The following HTR3C variants were observed in gnomAD, a reference collection of about 807,000 sequenced individuals.
HTR3C encodes the protein 5-hydroxytryptamine receptor 3C, also known as 5-HT3-C.
In HTR3C, 32 loss-of-function variants were observed where a neutral mutation model predicts 40.5. The observed-to-expected ratio is 0.79, with a 90% confidence interval of 0.60 to 1.06. The LOEUF is 1.06. Ranked by LOEUF, HTR3C falls within the 50% of genes least tolerant of loss-of-function variation. The pLI, the probability that HTR3C is intolerant of heterozygous loss-of-function variation, is 0.00. For synonymous variants in HTR3C, 209 were observed against 217.1 expected, an observed-to-expected ratio of 0.96 and a Z score of 0.33; for missense variants, 523 against 556.8, an observed-to-expected ratio of 0.94 and a Z score of 0.61.
chr3:184,059,982 C>T lies in HTR3C; in HGVS notation c.1080C>T (p.Cys360=). ...LLLHCTSPGR[C]CPTAPQKGNK... Reference sequence around the variant, plus strand: ...TCCACTGCACCAGCCCAGGGAGATGCTGTCCCACTGCGCCCCAGAAGGGAA... The same window carrying T: ...TCCACTGCACCAGCCCAGGGAGATGTTGTCCCACTGCGCCCCAGAAGGGAA... The change falls in exon 8 of 9, where the codon TGC becomes TGT. Residue 360 remains cysteine (C), a synonymous_variant. Coordinates refer to ENST00000318351, the MANE Select transcript of HTR3C (RefSeq NM_130770.3). 2 of 1,613,844 alleles carry T rather than the reference C, an allele frequency of 1.2e-6. No homozygotes were observed. Among genetic ancestry groups the T allele is most frequent in the Non-Finnish European group, 1.7e-6 (2 of 1,180,018 alleles).
intron 4 of HTR3C, 82 bp downstream of exon 4, chr3:184,056,368 C>T (rs1051184639): frequency 3.3e-6 from 3 of 897,374 alleles, no homozygotes; most frequent in Non-Finnish European, 1.8e-6. Context: ...ATGGGGCCAC[C>T]GAAAGATTCA....
chr3:184,058,480 T>C lies in HTR3C; in HGVS notation c.613T>C (p.Ser205Pro). ...DKEVWEITDT[S>P]RKVIQTQGEW... ...GGAGGTGTGGGAGATCACAGACACG[T>C]CTCGCAAAGTCATCCAAACCCAGGG... is the stretch of plus-strand genomic sequence containing the variant. The change falls in exon 6 of 9, where the codon TCT becomes CCT. Residue 205 changes from serine (S) to proline (P), a missense_variant. Transcript: ENST00000318351. The C allele has an allele frequency of 6.2e-7, 1 of 1,613,212 alleles. No individual in the cohort carries two copies. The highest frequency in any genetic ancestry group is 2.2e-5 in the East Asian group (1 of 44,756).
In HTR3C at chr3:184,056,970, G is replaced by A. The variant is rs766200514; in HGVS notation, c.485G>A (p.Cys162Tyr). 6.2e-7 allele frequency: 1 copy of A among 1,613,696 alleles called. No individual in the cohort carries two copies. Among genetic ancestry groups the A allele is most frequent in the South Asian group, 1.1e-5 (1 of 91,050 alleles). Residue 162 changes from cysteine to tyrosine, a missense_variant, in exon 5 of 9, where the codon TGT becomes TAT. Coordinates refer to ENST00000318351, the MANE Select transcript of HTR3C (RefSeq NM_130770.3). The stretch of plus-strand genomic sequence containing the variant: ...AAGCCAATGAGGGTGACCAGCATCT[G>A]TAACCTGGACATCTTCTACTTCCCT... ...YDKPMRVTSI[C>Y]NLDIFYFPFD...
At chr3:184,056,054 T>C (rs1723318427) in intron 3 of HTR3C, 123 bp from the exon 4 acceptor site, 4 of 651,848 alleles carry the variant, frequency 6.1e-6, no homozygotes, top group Middle Eastern at 2.7e-4. Context: ...GGATAGGCTG[T>C]GGTTATTAGG....
chr3:184,060,259 G>C lies in HTR3C; in HGVS notation c.1251G>C (p.Gln417His). The C allele has an allele frequency of 2.5e-6, 4 of 1,614,154 alleles. No individual in the cohort carries two copies. The highest frequency in any genetic ancestry group is 3.4e-6 in the Non-Finnish European group (4 of 1,180,030). The change falls in exon 9 of 9, where the codon CAG (glutamine) becomes CAC (histidine). Residue 417 changes from glutamine (Q) to histidine (H), a missense_variant. Coordinates refer to ENST00000318351, the MANE Select transcript of HTR3C (RefSeq NM_130770.3). ...CCCAGCTAATGGAGCTGTGGGTGCAGTTCAGCCACGCGATGGACACCCTGC... is the reference window on the plus strand; with the variant it reads ...CCCAGCTAATGGAGCTGTGGGTGCACTTCAGCCACGCGATGGACACCCTGC... ...TKTQLMELWV[Q>H]FSHAMDTLLF...
chr3:184,056,882 G>A lies in HTR3C; in HGVS notation c.397G>A (p.Val133Met), dbSNP rs763731835. 1 of 1,605,642 alleles carries A rather than the reference G, an allele frequency of 6.2e-7. No homozygotes were observed. The highest frequency in any genetic ancestry group is 1.1e-5 in the South Asian group (1 of 89,962). Reference sequence around the variant, plus strand: ...CCTCCCTTCCCCAAACAGCATGGATGTGGATCAGACGCCTTCCGGTCTCAC... The same window carrying A: ...CCTCCCTTCCCCAAACAGCATGGATATGGATCAGACGCCTTCCGGTCTCAC... ...PDIFIVESMD[V>M]DQTPSGLTAY... is the part of the protein sequence containing the mutation. Residue 133 changes from valine (V) to methionine (M), a missense_variant, in exon 5 of 9, where the codon GTG (valine) becomes ATG (methionine). Transcript: ENST00000318351.
intron 4 of HTR3C, among the ~76,000 whole-genome samples, 163 bp from the exon 5 acceptor site, chr3:184,056,712 A>C (rs1054506388): frequency 1.3e-5 from 2 of 152,104 alleles, no homozygotes; most frequent in Non-Finnish European, 2.9e-5. Flanking sequence ...TGCACCACTG[A>C]ACTCCAGCCT....
chr3:184,056,771 G>A, intron 4 of HTR3C, 104 bp from the exon 5 acceptor site: 2 of 1,023,004 alleles, frequency 2.0e-6, no homozygotes, highest in East Asian at 5.2e-5. Context: ...AATAAAAATA[G>A]AAAGAGAAAG....
In HTR3C at chr3:184,060,181, G is replaced by T. The variant is rs752092065; in HGVS notation, c.1173G>T (p.Lys391Asn). ...AGGAGCCGGGGGAGTTAGCAGGGAA[G>T]AAGCTGGGACCCAGAGAGACCGAGC... ...GPKEPGELAG[K>N]KLGPRETEPD... Residue 391 changes from lysine (K) to asparagine (N), a missense_variant, in exon 9 of 9, where the codon AAG becomes AAT. Transcript: ENST00000318351. 1.6e-5 allele frequency: 26 copies of T among 1,614,078 alleles called. No homozygotes were observed. The highest frequency in any genetic ancestry group is 2.0e-5 in the Non-Finnish European group (24 of 1,180,046).
Position 184,053,104 on chromosome 3 carries a change from G to T in HTR3C, c.24G>T (p.Arg8Ser), listed in dbSNP as rs766133545. 1 of 1,613,914 alleles carries T rather than the reference G, an allele frequency of 6.2e-7. No individual in the cohort carries two copies. Among genetic ancestry groups the T allele is most frequent in the Non-Finnish European group, 8.5e-7 (1 of 1,179,848 alleles). Reference protein sequence around the residue: MEGGWPARQSALLCLTVS... With the variant: MEGGWPASQSALLCLTVS... ...GAATGGAAGGAGGGTGGCCTGCAAG[G>T]CAGAGTGCCCTCCTCTGCCTCACTG... Residue 8 changes from arginine to serine, a missense_variant, in exon 1 of 9, where the codon AGG (arginine) becomes AGT (serine). Transcript: ENST00000318351.
At chr3:184,058,319 A>G (rs1723371517) in intron 5 of HTR3C, 108 bp from the exon 6 acceptor site, 1 of 1,166,548 alleles carries the variant, frequency 8.6e-7, no homozygotes. Flanking sequence ...CTTGCTTTAA[A>G]AGGATAGAGG....
chr3:184,056,300 C>G lies in HTR3C; in HGVS notation c.389+14C>G. On this transcript the variant is annotated intron_variant, in intron 4 of 8. Transcript: ENST00000318351. ...CATCGTGGAATCGTGCGTATGCAGGCTGGGGAAGCCAGCGTGAAACCTCAT... is the reference window on the plus strand; with the variant it reads ...CATCGTGGAATCGTGCGTATGCAGGGTGGGGAAGCCAGCGTGAAACCTCAT... 3 of 1,569,692 alleles carry G rather than the reference C, an allele frequency of 1.9e-6. No individual in the cohort carries two copies. Among genetic ancestry groups the G allele is most frequent in the Non-Finnish European group, 2.6e-6 (3 of 1,139,768 alleles).
Position 184,059,630 on chromosome 3 carries a change from C to T in HTR3C, c.915C>T (p.Thr305=), listed in dbSNP as rs935297084. The T allele has an allele frequency of 6.2e-7, 1 of 1,613,962 alleles. No homozygotes were observed. Among genetic ancestry groups the T allele is most frequent in the Admixed American group, 1.7e-5 (1 of 59,994 alleles). Residue 305 remains threonine (T), a synonymous_variant, in exon 7 of 9, where the codon ACC becomes ACT. Coordinates refer to ENST00000318351, the MANE Select transcript of HTR3C (RefSeq NM_130770.3). ...MMNDLLPASG[T]PLISVYFALC... is the part of the protein sequence containing the mutation. ...ATGACTTGCTCCCTGCCAGTGGCAC[C>T]CCCCTCATCAGTATGGCTCCTCCCA...
At position 184,060,228 on chromosome 3, in the gene HTR3C, CA is replaced by C. The variant is rs1560082591; in HGVS notation, c.1223del (p.Lys408ArgfsTer4). On this transcript the variant is annotated frameshift_variant, in exon 9 of 9. Transcript: ENST00000318351. LOFTEE classifies it low-confidence loss of function (END_TRUNC). ...ETEPDGGSGW[T>X]KTQLMELWVQ... ...GAGCCAGATGGGGGCTCAGGATGGACAAAGACCCAGCTAATGGAGCTGTGGG... is the reference window on the plus strand; with the variant it reads ...GAGCCAGATGGGGGCTCAGGATGGACAAGACCCAGCTAATGGAGCTGTGGG... 6.2e-7 allele frequency: 1 copy of C among 1,614,156 alleles called. No individual in the cohort carries two copies.
In HTR3C at chr3:184,056,976, T is replaced by C; in HGVS notation, c.491T>C (p.Leu164Pro). Reference protein sequence around the residue: ...KPMRVTSICNLDIFYFPFDQQ... With the variant: ...KPMRVTSICNPDIFYFPFDQQ... ...ATGAGGGTGACCAGCATCTGTAACCTGGACATCTTCTACTTCCCTTTTGAC... is the reference window on the plus strand; with the variant it reads ...ATGAGGGTGACCAGCATCTGTAACCCGGACATCTTCTACTTCCCTTTTGAC... The change falls in exon 5 of 9, where the codon CTG becomes CCG. Residue 164 changes from leucine (L) to proline (P), a missense_variant. Transcript: ENST00000318351. 1.2e-6 allele frequency: 2 copies of C among 1,613,662 alleles called. No homozygotes were observed. Among genetic ancestry groups the C allele is most frequent in the Non-Finnish European group, 8.5e-7 (1 of 1,179,588 alleles).
chr3:184,056,835 C>G (rs1295016815), intron 4 of HTR3C, 40 bp from the exon 5 acceptor site: 1 of 1,535,002 alleles, frequency 6.5e-7, no homozygotes, highest in South Asian at 1.3e-5. Context: ...GAGACAAGAG[C>G]TGATTAAGCC....
intron 6 of HTR3C, 148 bp downstream of exon 6, chr3:184,058,735 G>A (rs1723382622): frequency 1.2e-6 from 1 of 815,982 alleles, no homozygotes. Context: ...GAGGCCGAGG[G>A]AGGCGGATCA....
Position 184,056,887 on chromosome 3 carries a change from T to A in HTR3C, c.402T>A (p.Asp134Glu). Residue 134 changes from aspartate to glutamate, a missense_variant, in exon 5 of 9, where the codon GAT becomes GAA. By Grantham distance (45) the Asp-to-Glu change is conservative. Coordinates refer to ENST00000318351, the MANE Select transcript of HTR3C (RefSeq NM_130770.3). The stretch of plus-strand genomic sequence containing the variant: ...CTTCCCCAAACAGCATGGATGTGGA[T>A]CAGACGCCTTCCGGTCTCACTGCCT... ...DIFIVESMDV[D>E]QTPSGLTAYI... The A allele has an allele frequency of 6.2e-7, 1 of 1,607,924 alleles. No homozygotes were observed. Among genetic ancestry groups the A allele is most frequent in the Non-Finnish European group, 8.5e-7 (1 of 1,175,900 alleles).
intron 6 of HTR3C, 62 bp downstream of exon 6, chr3:184,058,649 C>G: frequency 6.4e-7 from 1 of 1,553,628 alleles, no homozygotes; most frequent in Non-Finnish European, 8.7e-7. Flanking sequence ...TCCTCTTGAC[C>G]TATGGCTCTT....
Sources: allele counts gnomAD v4.1 joint callset (sites outside exome capture counted in the v4.1 genomes callset), GRCh38; gene constraint gnomAD v4.1.1; transcripts MANE v1.5; gene names NCBI Gene and HGNC (gene_info 2026-07-23, HGNC 2026-07-21).